CNR2: variants seen among roughly 807,000 people sequenced by gnomAD.
The protein encoded by CNR2 is cannabinoid receptor 2, also known as cannabinoid receptor 2 (macrophage).
For missense variants in CNR2, 379 were observed against 439.9 expected, an observed-to-expected ratio of 0.86 and a Z score of 1.24; for synonymous variants, 172 against 182.2, an observed-to-expected ratio of 0.94 and a Z score of 0.45.
In CNR2 at chr1:23,908,502, T is replaced by A. The variant is rs114811841; in HGVS notation, c.-46+4744A>T. Reference sequence around the variant, plus strand: ...ATTACAATAATTATTCACTAATTTTTAAAAAAATGGAAACAGGCATCAAGA... The same window carrying A: ...ATTACAATAATTATTCACTAATTTTAAAAAAAATGGAAACAGGCATCAAGA... On this transcript the variant is annotated intron_variant, in intron 1 of 1. Coordinates refer to ENST00000374472, the MANE Select transcript of CNR2 (RefSeq NM_001841.3). 6.7e-3 allele frequency among the ~76,000 whole-genome samples: 1,016 copies of A among 152,226 alleles called. 13 individuals carry two copies. The highest frequency in any genetic ancestry group is 0.023 in the African/African-American group (960 of 41,524).
intron 1 of CNR2, among the ~76,000 whole-genome samples, chr1:23,883,689 G>A (rs988376041): frequency 5.9e-5 from 9 of 152,228 alleles, no homozygotes; most frequent in Admixed American, 1.3e-4. Flanking sequence ...GCCAGGCATG[G>A]TGGTGTGCGC....
intron 1 of CNR2, among the ~76,000 whole-genome samples, chr1:23,883,824 C>T (rs1448965341): frequency 1.3e-5 from 2 of 151,992 alleles, no homozygotes; most frequent in Non-Finnish European, 2.9e-5. Flanking sequence ...GACTCCATCT[C>T]CAAAAAACAA....
At chr1:23,896,019 G>A (rs1640276913) in intron 1 of CNR2, among the ~76,000 whole-genome samples, 1 of 151,936 alleles carries the variant, frequency 6.6e-6, no homozygotes, top group Admixed American at 6.6e-5. Context: ...CTGGCCTTGA[G>A]TTATTGTTAT....
At chr1:23,881,418 C>A (rs1024762192) in intron 1 of CNR2, among the ~76,000 whole-genome samples, 2 of 147,696 alleles carry the variant, frequency 1.4e-5, no homozygotes, top group African/African-American at 5.0e-5. Context: ...CTCTAATAAA[C>A]CCCATCTCTA....
At chr1:23,892,651 G>T (rs1246904277) in intron 1 of CNR2, among the ~76,000 whole-genome samples, 2 of 152,136 alleles carry the variant, frequency 1.3e-5, no homozygotes, top group Non-Finnish European at 2.9e-5. Flanking sequence ...GCTCCTTTTA[G>T]TGGTTTCTAA....
At chr1:23,888,382 C>T (rs1640127039) in intron 1 of CNR2, among the ~76,000 whole-genome samples, 1 of 152,096 alleles carries the variant, frequency 6.6e-6, no homozygotes, top group Admixed American at 6.6e-5. Context: ...ATACCTATGC[C>T]ATTCTCCTTG....
At chr1:23,876,756 A>G (rs2501433) in intron 1 of CNR2, among the ~76,000 whole-genome samples, 95,331 of 150,288 alleles carry the variant, frequency 0.63, 30,557 homozygotes, top group African/African-American at 0.75. Flanking sequence ...AATTGCTTGA[A>G]CCCAGGAGGC....
chr1:23,893,002 C>A (rs935901801), intron 1 of CNR2, among the ~76,000 whole-genome samples: 2 of 151,968 alleles, frequency 1.3e-5, no homozygotes, highest in Non-Finnish European at 2.9e-5. Context: ...GGCGACAGAG[C>A]GAGACTCTGT....
At chr1:23,877,682 C>T (rs1639910568) in intron 1 of CNR2, among the ~76,000 whole-genome samples, 1 of 151,942 alleles carries the variant, frequency 6.6e-6, no homozygotes, top group African/African-American at 2.4e-5. Flanking sequence ...AGATCTGGGG[C>T]TGGGCACAGT....
chr1:23,886,879 C>A (rs754024333), intron 1 of CNR2, among the ~76,000 whole-genome samples: 3 of 143,044 alleles, frequency 2.1e-5, no homozygotes, highest in Non-Finnish European at 3.1e-5. Flanking sequence ...GAGACAGACA[C>A]CCTTTGCGGT....
chr1:23,901,119 A>T (rs1462362583), intron 1 of CNR2, among the ~76,000 whole-genome samples: 1 of 152,012 alleles, frequency 6.6e-6, no homozygotes, highest in Non-Finnish European at 1.5e-5. Context: ...ATTTGAAGGG[A>T]AGGTCTACAG....
chr1:23,879,547 A>G (rs933372313), intron 1 of CNR2, among the ~76,000 whole-genome samples: 3 of 152,220 alleles, frequency 2.0e-5, no homozygotes, highest in Non-Finnish European at 2.9e-5. Context: ...CAGGTGGTCC[A>G]GTGTGCAGTG....
chr1:23,875,795 T>C, intron 1 of CNR2, 133 bp from the exon 2 acceptor site: 1 of 764,722 alleles, frequency 1.3e-6, no homozygotes, highest in Non-Finnish European at 2.0e-6. Flanking sequence ...TTCTGTTTTG[T>C]TTGCCTGTAT....
At position 23,887,622 on chromosome 1, in the gene CNR2, A is replaced by T. The variant is rs72665114; in HGVS notation, c.-45-11960T>A. On this transcript the variant is annotated intron_variant, in intron 1 of 1. Coordinates refer to ENST00000374472, the MANE Select transcript of CNR2 (RefSeq NM_001841.3). Reference sequence around the variant, plus strand: ...CTCACTGTCTTCCCTTTGGACAGCTATAAATCCCTTTTGGAGTCAGAATCT... The same window carrying T: ...CTCACTGTCTTCCCTTTGGACAGCTTTAAATCCCTTTTGGAGTCAGAATCT... Among the ~76,000 whole-genome samples, 303 of 152,322 alleles carry T rather than the reference A, an allele frequency of 2.0e-3. 1 individual carries two copies. The East Asian group carries it at 0.04, about 20-fold the overall frequency.
intron 1 of CNR2, among the ~76,000 whole-genome samples, chr1:23,878,066 T>C (rs1339522269): frequency 6.6e-6 from 1 of 151,988 alleles, no homozygotes; most frequent in Non-Finnish European, 1.5e-5. Flanking sequence ...TATGAAGGAT[T>C]GAGTAAAAAT....
chr1:23,875,296 G>A lies in CNR2; in HGVS notation c.322C>T (p.Leu108=), dbSNP rs1415648685. ...HGVDSKAVFL[L]KIGSVTMTFT... ...GTCATAGTCACGCTGCCAATCTTCA[G>A]CAGGAAGACAGCCTTGGAATCCACA... Residue 108 remains leucine, a synonymous_variant, in exon 2 of 2, where the codon CTG becomes TTG. Transcript: ENST00000374472. 6.2e-7 allele frequency: 1 copy of A among 1,614,204 alleles called. No homozygotes were observed. The highest frequency in any genetic ancestry group is 1.7e-5 in the Admixed American group (1 of 60,026).
chr1:23,877,638 T>C (rs560256525), intron 1 of CNR2, among the ~76,000 whole-genome samples: 1 of 141,756 alleles, frequency 7.1e-6, no homozygotes, highest in South Asian at 2.2e-4. Flanking sequence ...CAAGACTCCA[T>C]CTCAAAAAAA....
chr1:23,901,734 C>A, intron 1 of CNR2: 1 of 1,419,946 alleles, frequency 7.0e-7, no homozygotes, highest in Non-Finnish European at 1.0e-6. Context: ...AGATTCTGAG[C>A]CAGAACTACC....
At chr1:23,882,983 G>A (rs1366096289) in intron 1 of CNR2, among the ~76,000 whole-genome samples, 1 of 151,962 alleles carries the variant, frequency 6.6e-6, no homozygotes, top group African/African-American at 2.4e-5. Context: ...AAACTATAGG[G>A]AAGAGAAAGA....
Sources: gnomAD v4.1 joint callset for allele counts (sites outside exome capture counted in the v4.1 genomes callset) on GRCh38, gnomAD v4.1.1 for gene constraint, MANE v1.5 for transcripts, NCBI Gene and HGNC (gene_info 2026-07-23, HGNC 2026-07-21) for gene names.